ADGRL3: variants seen among roughly 807,000 people sequenced by gnomAD.
The protein encoded by ADGRL3 is calcium-independent alpha-latrotoxin receptor 3.
ADGRL3 carries 62 observed loss-of-function variants against 153.5 expected under a neutral mutation model. The ratio of observed to expected loss-of-function variants is 0.40; its 90% CI spans 0.33 to 0.50. The LOEUF (loss-of-function observed/expected upper bound fraction) is 0.50. ADGRL3 is among the 20% of genes least tolerant of loss of function. The pLI is 0.47. For missense variants in ADGRL3, 1,641 were observed against 1,859.4 expected, an observed-to-expected ratio of 0.88 and a Z score of 2.16; for synonymous variants, 710 against 672.5, an observed-to-expected ratio of 1.06 and a Z score of -0.86.
chr4:61,879,230 T>C (rs767501774), intron 9 of ADGRL3, among the ~76,000 whole-genome samples: 2 of 152,170 alleles, frequency 1.3e-5, no homozygotes, highest in Non-Finnish European at 1.5e-5. Context: ...AAAATAAATA[T>C]AAGAATTCTG....
rs184025206 is a variant in ADGRL3 at position 61,262,533 on chromosome 4, T to C, written c.-240+60768T>C. Among the ~76,000 whole-genome samples the C allele has an allele frequency of 1.1e-3, 163 of 152,272 alleles. 1 individual carries two copies. Among genetic ancestry groups the C allele is most frequent in the African/African-American group, 3.8e-3 (160 of 41,564 alleles). On this transcript the variant is annotated intron_variant, in intron 1 of 26. Transcript: ENST00000683033. The stretch of plus-strand genomic sequence containing the variant: ...ACTGTATTAGCATTCGTCATTCTCG[T>C]ATCTTTTACTCACCCGGGCTGCTTC...
At chr4:61,328,215 T>C (rs561526048) in intron 1 of ADGRL3, among the ~76,000 whole-genome samples, 6 of 152,262 alleles carry the variant, frequency 3.9e-5, no homozygotes, top group Non-Finnish European at 7.4e-5. Context: ...GAGACCCCAA[T>C]GTAGAGCTTG....
intron 25 of ADGRL3, among the ~76,000 whole-genome samples, chr4:62,050,498 G>A (rs1733516439): frequency 6.6e-6 from 1 of 151,944 alleles, no homozygotes; most frequent in African/African-American, 2.4e-5. Context: ...TCTTTCCCAG[G>A]AGGTTGGTCA....
intron 1 of ADGRL3, among the ~76,000 whole-genome samples, chr4:61,345,192 G>A (rs888079670): frequency 6.6e-6 from 1 of 151,912 alleles, no homozygotes; most frequent in Admixed American, 6.6e-5. Context: ...ATTAGTTATG[G>A]ATTTAAAAAT....
Position 61,200,349 on chromosome 4 carries a change from G to T in ADGRL3, c.-1656G>T, listed in dbSNP as rs978015576. ...TCATTCTGGCCTCCGCTCCGGCCCC[G>T]GCTGCGCCTACCCCGCGCGCAGGCT... On this transcript the variant is annotated 5_prime_UTR_variant, in exon 1 of 27. Transcript: ENST00000683033. Among the ~76,000 whole-genome samples, 1 of 150,026 alleles carries T rather than the reference G, an allele frequency of 6.7e-6. No individual in the cohort carries two copies. Among genetic ancestry groups the T allele is most frequent in the South Asian group, 2.1e-4 (1 of 4,730 alleles).
intron 6 of ADGRL3, among the ~76,000 whole-genome samples, chr4:61,701,847 G>C (rs1309907451): frequency 6.6e-6 from 1 of 151,936 alleles, no homozygotes; most frequent in Non-Finnish European, 1.5e-5. Context: ...TCATATTTTG[G>C]GATATGATGA....
chr4:61,813,088 C>T (rs763093902), intron 8 of ADGRL3, among the ~76,000 whole-genome samples: 4 of 152,054 alleles, frequency 2.6e-5, no homozygotes, highest in African/African-American at 7.2e-5. Flanking sequence ...GCAGAAATTG[C>T]GAGAGTTTAG....
rs531865148 is a variant in ADGRL3 at position 61,717,033 on chromosome 4, C to T, written c.584-13589C>T. Among the ~76,000 whole-genome samples, 5 of 152,062 alleles carry T rather than the reference C, an allele frequency of 3.3e-5. No homozygotes were observed. In the South Asian group the frequency reaches 1.0e-3, roughly 32 times the overall value. ...TGCATCTAGATGCATGAAAGGTGAA[C>T]TGATGTTAAGGAGAGACTTGCGGGT... On this transcript the variant is annotated intron_variant, in intron 6 of 26. Coordinates refer to ENST00000683033, the MANE Select transcript of ADGRL3 (RefSeq NM_001387552.1).
chr4:62,015,309 G>A (rs543937441), intron 21 of ADGRL3, among the ~76,000 whole-genome samples: 3 of 152,276 alleles, frequency 2.0e-5, no homozygotes, highest in East Asian at 3.9e-4. Context: ...GCTGCCTATG[G>A]AAGTCGATAT....
At chr4:62,029,662 T>G (rs12508688) in intron 22 of ADGRL3, among the ~76,000 whole-genome samples, 16,627 of 150,824 alleles carry the variant, frequency 0.11, 1,187 homozygotes, top group East Asian at 0.28. Flanking sequence ...TTTTCTCCAG[T>G]GCCATTTCAC....
At chr4:61,438,808 C>T (rs888709171) in intron 2 of ADGRL3, among the ~76,000 whole-genome samples, 3 of 151,032 alleles carry the variant, frequency 2.0e-5, no homozygotes, top group Admixed American at 6.6e-5. Context: ...CCCGGGTTCA[C>T]ACCATTCTCC....
chr4:61,975,865 A>C (rs1226066936), intron 17 of ADGRL3, among the ~76,000 whole-genome samples: 1 of 152,112 alleles, frequency 6.6e-6, no homozygotes, highest in Non-Finnish European at 1.5e-5. Flanking sequence ...TGTTTGCTAA[A>C]ATGAGGAAAA....
intron 2 of ADGRL3, among the ~76,000 whole-genome samples, chr4:61,424,094 A>G (rs56094723): frequency 0.15 from 22,092 of 152,108 alleles, 1,784 homozygotes; most frequent in East Asian, 0.34. Context: ...TCAGGGGGTG[A>G]AGGGGCATAG....
chr4:61,506,501 T>A (rs1414312865), intron 3 of ADGRL3, among the ~76,000 whole-genome samples: 1 of 152,102 alleles, frequency 6.6e-6, no homozygotes, highest in African/African-American at 2.4e-5. Context: ...AACTAAGTCT[T>A]TAATGAGTTA....
chr4:61,769,532 G>A (rs1015421181), intron 8 of ADGRL3, among the ~76,000 whole-genome samples: 1 of 152,046 alleles, frequency 6.6e-6, no homozygotes, highest in Non-Finnish European at 1.5e-5. Context: ...TCCGAGTCAC[G>A]GCACCAAATT....
intron 8 of ADGRL3, among the ~76,000 whole-genome samples, chr4:61,749,988 G>T (rs1366463362): frequency 6.6e-6 from 1 of 152,066 alleles, no homozygotes; most frequent in Non-Finnish European, 1.5e-5. Context: ...GAAGATGAAT[G>T]ATTCATTGAT....
chr4:61,306,264 A>AT (rs929760837), intron 1 of ADGRL3, among the ~76,000 whole-genome samples: 27 of 151,488 alleles, frequency 1.8e-4, no homozygotes, highest in African/African-American at 6.1e-4. Context: ...CGCCCGGCTA[A>AT]TTTTTTTGTA....
chr4:61,594,390 A>G (rs971626390), intron 5 of ADGRL3, among the ~76,000 whole-genome samples: 4 of 152,082 alleles, frequency 2.6e-5, no homozygotes, highest in Non-Finnish European at 5.9e-5. Context: ...TGGTAATTAA[A>G]GAGGTAGATA....
At position 61,351,601 on chromosome 4, in the gene ADGRL3, C is replaced by A. The variant is rs1015887227; in HGVS notation, c.-239-31523C>A. On this transcript the variant is annotated intron_variant, in intron 1 of 26. Transcript: ENST00000683033. ...TGTCTTTAAGTTAAGCCAGTGCTCA[C>A]TTATCATTCCCAAGATTTTAGGGCC... 2.0e-5 allele frequency among the ~76,000 whole-genome samples: 3 copies of A among 152,138 alleles called. No homozygotes were observed. In the South Asian group the frequency reaches 6.2e-4, roughly 31 times the overall value.
Sources: gnomAD v4.1 joint callset for allele counts (sites outside exome capture counted in the v4.1 genomes callset) on GRCh38, gnomAD v4.1.1 for gene constraint, MANE v1.5 for transcripts, NCBI Gene and HGNC (gene_info 2026-07-23, HGNC 2026-07-21) for gene names.